The following CADM2 variants were observed in gnomAD, a reference collection of about 807,000 sequenced individuals.
CADM2 encodes immunoglobulin superfamily member 4D.
CADM2 carries 12 observed loss-of-function variants against 49.8 expected under a neutral mutation model. That is an observed-to-expected ratio of 0.24 (90% CI 0.15 to 0.39). The LOEUF is 0.39. CADM2 is among the 10% of genes least tolerant of loss of function. CADM2 has a pLI of 1.00. For missense variants in CADM2, 378 were observed against 492.3 expected, an observed-to-expected ratio of 0.77 and a Z score of 2.20; for synonymous variants, 214 against 175.4, an observed-to-expected ratio of 1.22 and a Z score of -1.74.
At position 86,066,992 on chromosome 3, in the gene CADM2, C is replaced by CTAAAT; in HGVS notation, c.*210_*211insAAATT. On this transcript the variant is annotated 3_prime_UTR_variant, in exon 10 of 10. Transcript: ENST00000383699. ...CATCCATAATGCAGGACATTTCTTA[C>CTAAAT]TGCCTAAATTTCACACCATTGCTCT... The CTAAAT allele has an allele frequency of 1.9e-6, 1 of 532,806 alleles. No individual in the cohort carries two copies. Among genetic ancestry groups the CTAAAT allele is most frequent in the Non-Finnish European group, 3.4e-6 (1 of 298,302 alleles). 33.0% of individuals were successfully genotyped at this position (532,806 alleles called of 1,614,324 possible).
intron 1 of CADM2, among the ~76,000 whole-genome samples, chr3:85,623,212 T>C (rs74917630): frequency 0.036 from 5,468 of 152,202 alleles, 250 homozygotes; most frequent in African/African-American, 0.1. Context: ...CATACGACTT[T>C]CTTCCTCAAC....
chr3:85,057,579 G>T (rs1004919706), intron 1 of CADM2, among the ~76,000 whole-genome samples: 9 of 152,028 alleles, frequency 5.9e-5, no homozygotes, highest in Non-Finnish European at 1.2e-4. Context: ...TGTTTCTTGA[G>T]ATTTTTTTCT....
chr3:85,187,774 TGA>T, intron 1 of CADM2, among the ~76,000 whole-genome samples: 1 of 152,198 alleles, frequency 6.6e-6, no homozygotes, highest in Non-Finnish European at 1.5e-5. Context: ...CTGTAGACTT[TGA>T]GAGTTTCTTA....
At chr3:85,844,001 G>C (rs185351057) in intron 3 of CADM2, among the ~76,000 whole-genome samples, 1 of 152,138 alleles carries the variant, frequency 6.6e-6, no homozygotes, top group African/African-American at 2.4e-5. Flanking sequence ...TCGGTAGCCA[G>C]GCTTTACGGA....
intron 1 of CADM2, among the ~76,000 whole-genome samples, chr3:84,960,741 C>T (rs1417958767): frequency 6.6e-6 from 1 of 152,058 alleles, no homozygotes; most frequent in African/African-American, 2.4e-5. Flanking sequence ...TCCAGACCCT[C>T]TTTTTTGGAG....
intron 2 of CADM2, chr3:85,800,770 G>T (rs1443440491): frequency 6.6e-6 from 1 of 152,170 alleles, no homozygotes; most frequent in East Asian, 1.9e-4. Context: ...AGATGAACTG[G>T]GTACCTCTGT....
chr3:85,783,692 A>C (rs79234260), intron 2 of CADM2, among the ~76,000 whole-genome samples: 8,121 of 152,300 alleles, frequency 0.053, 378 homozygotes, highest in East Asian at 0.19. Context: ...ATGGTATTAT[A>C]AATTATGAGT....
chr3:85,788,428 A>C (rs949190666), intron 2 of CADM2, among the ~76,000 whole-genome samples: 1 of 152,114 alleles, frequency 6.6e-6, no homozygotes, highest in African/African-American at 2.4e-5. Flanking sequence ...CCAAACATCT[A>C]TGTAGCTATT....
At chr3:85,316,557 T>C (rs1410231430) in intron 1 of CADM2, among the ~76,000 whole-genome samples, 1 of 152,210 alleles carries the variant, frequency 6.6e-6, no homozygotes, top group Non-Finnish European at 1.5e-5. Flanking sequence ...TTGCCTTTTG[T>C]TGTCAAATAG....
intron 3 of CADM2, among the ~76,000 whole-genome samples, chr3:85,845,050 G>A (rs1318925456): frequency 6.6e-6 from 1 of 151,430 alleles, no homozygotes; most frequent in African/African-American, 2.4e-5. Context: ...AGCTACTTGG[G>A]AGGTTAATAC....
intron 1 of CADM2, among the ~76,000 whole-genome samples, chr3:85,181,514 G>A (rs994944227): frequency 1.7e-4 from 26 of 152,056 alleles, no homozygotes; most frequent in African/African-American, 6.3e-4. Flanking sequence ...AAGAGTAAAT[G>A]AAGCTCTTTC....
chr3:85,371,764 T>C (rs934402317), intron 1 of CADM2, among the ~76,000 whole-genome samples: 7 of 147,044 alleles, frequency 4.8e-5, no homozygotes, highest in Non-Finnish European at 1.0e-4. Context: ...AAATACAGTA[T>C]TTACAGGATG....
At chr3:85,381,453 T>C (rs2033900096) in intron 1 of CADM2, among the ~76,000 whole-genome samples, 1 of 147,784 alleles carries the variant, frequency 6.8e-6, no homozygotes, top group Non-Finnish European at 1.5e-5. Context: ...AAAATATATA[T>C]ATAAACTGTA....
At chr3:85,068,267 T>C (rs2036594315) in intron 1 of CADM2, among the ~76,000 whole-genome samples, 1 of 152,160 alleles carries the variant, frequency 6.6e-6, no homozygotes, top group Non-Finnish European at 1.5e-5. Flanking sequence ...TATCTGTTAG[T>C]TGATTTATCT....
intron 1 of CADM2, among the ~76,000 whole-genome samples, chr3:85,485,059 T>G (rs551628085): frequency 6.6e-6 from 1 of 152,006 alleles, no homozygotes; most frequent in African/African-American, 2.4e-5. Flanking sequence ...TTTAACATAA[T>G]GACAATAAAA....
intron 1 of CADM2, among the ~76,000 whole-genome samples, chr3:85,294,874 G>A (rs568404226): frequency 2.4e-3 from 359 of 152,210 alleles, no homozygotes; most frequent in Non-Finnish European, 4.1e-3. Flanking sequence ...CAGGACATAG[G>A]CATGGGCAAG....
intron 1 of CADM2, among the ~76,000 whole-genome samples, chr3:85,553,631 G>A (rs1055884943): frequency 9.2e-5 from 14 of 152,220 alleles, no homozygotes; most frequent in Non-Finnish European, 1.8e-4. Context: ...TAAGACTCCA[G>A]GAAGAGTATT....
At chr3:85,541,773 T>TATA (rs1553739263) in intron 1 of CADM2, among the ~76,000 whole-genome samples, 27 of 6,162 alleles carry the variant, frequency 4.4e-3, no homozygotes, top group Admixed American at 0.015. Context: ...ATATTTTATA[T>TATA]TTTATATATA....
chr3:85,235,947 G>T (rs992661708), intron 1 of CADM2, among the ~76,000 whole-genome samples: 6 of 152,004 alleles, frequency 3.9e-5, no homozygotes, highest in Non-Finnish European at 7.4e-5. Context: ...GATTATTAGG[G>T]TATATGGTCT....
Sources: gnomAD v4.1 joint callset for allele counts (sites outside exome capture counted in the v4.1 genomes callset) on GRCh38, gnomAD v4.1.1 for gene constraint, MANE v1.5 for transcripts, NCBI Gene and HGNC (gene_info 2026-07-23, HGNC 2026-07-21) for gene names.